UBE2E2: variants seen among roughly 807,000 people sequenced by gnomAD.
UBE2E2 encodes the protein ubiquitin conjugating enzyme E2 E2, also known as ubiquitin-conjugating enzyme E2 E2.
UBE2E2 carries 6 observed loss-of-function variants against 24.7 expected under a neutral mutation model. The ratio of observed to expected loss-of-function variants is 0.24; its 90% CI spans 0.13 to 0.48. The LOEUF (loss-of-function observed/expected upper bound fraction) is 0.48. Ranked by LOEUF, UBE2E2 falls within the 20% of genes least tolerant of loss-of-function variation. UBE2E2 has a pLI of 0.99. For missense variants in UBE2E2, 169 were observed against 245.0 expected (o/e 0.69, Z 2.07); for synonymous variants, 104 against 83.6 (o/e 1.24, Z -1.33).
chr3:23,479,404 C>A (rs920543527), intron 3 of UBE2E2, among the ~76,000 whole-genome samples: 1 of 152,166 alleles, frequency 6.6e-6, no homozygotes, highest in Admixed American at 6.5e-5. Flanking sequence ...CAACCAGAAA[C>A]TTGGAGACCC....
intron 3 of UBE2E2, among the ~76,000 whole-genome samples, chr3:23,346,620 T>A (rs1002295516): frequency 6.6e-6 from 1 of 152,248 alleles, no homozygotes; most frequent in East Asian, 1.9e-4. Flanking sequence ...TGTTCTCTTT[T>A]AAATGCTATC....
At chr3:23,522,883 C>G (rs1204016530) in intron 4 of UBE2E2, among the ~76,000 whole-genome samples, 5 of 151,732 alleles carry the variant, frequency 3.3e-5, no homozygotes, top group Non-Finnish European at 7.4e-5. Flanking sequence ...CATGGGACTT[C>G]TATAGAAAGA....
chr3:23,415,021 G>A (rs1332465190), intron 3 of UBE2E2, among the ~76,000 whole-genome samples: 1 of 152,216 alleles, frequency 6.6e-6, no homozygotes, highest in Non-Finnish European at 1.5e-5. Context: ...GATTTTGTGT[G>A]CAACTCAAGA....
chr3:23,512,135 C>T (rs957333365), intron 4 of UBE2E2, among the ~76,000 whole-genome samples: 11 of 151,662 alleles, frequency 7.3e-5, no homozygotes, highest in Admixed American at 3.9e-4. Flanking sequence ...ATGAAGTGAT[C>T]TTGGTAAGTG....
At chr3:23,350,847 C>CT (rs1695726026) in intron 3 of UBE2E2, among the ~76,000 whole-genome samples, 2 of 152,310 alleles carry the variant, frequency 1.3e-5, no homozygotes, top group Admixed American at 1.3e-4. Flanking sequence ...CCCAATCTAG[C>CT]AAGGCAGACC....
chr3:23,561,426 T>G (rs908842961), intron 5 of UBE2E2, among the ~76,000 whole-genome samples: 2 of 152,156 alleles, frequency 1.3e-5, no homozygotes, highest in Non-Finnish European at 2.9e-5. Context: ...GTTCCATTGG[T>G]CTATATCTCT....
chr3:23,357,108 G>T (rs1000279225), intron 3 of UBE2E2, among the ~76,000 whole-genome samples: 9 of 152,206 alleles, frequency 5.9e-5, no homozygotes, highest in Admixed American at 2.0e-4. Flanking sequence ...TCATTGGCCA[G>T]AATAGTTGCA....
In UBE2E2 at chr3:23,422,053, A is replaced by G. The variant is rs75442087; in HGVS notation, c.228-77555A>G. 2.0e-5 allele frequency among the ~76,000 whole-genome samples: 3 copies of G among 152,226 alleles called. No homozygotes were observed. The East Asian group carries it at 5.8e-4, about 29-fold the overall frequency. On this transcript the variant is annotated intron_variant, in intron 3 of 5. Coordinates refer to ENST00000396703, the MANE Select transcript of UBE2E2 (RefSeq NM_152653.4). ...AGTCACAACATTAATGGGGCTGCCA[A>G]AATATCCTCTAATGAGCTGTTTTGT...
chr3:23,279,808 A>G (rs1350091954), intron 3 of UBE2E2, among the ~76,000 whole-genome samples: 3 of 152,228 alleles, frequency 2.0e-5, no homozygotes, highest in African/African-American at 7.2e-5. Flanking sequence ...AACTGCAGGA[A>G]GAAAACCTTA....
chr3:23,369,097 T>C (rs1249847965), intron 3 of UBE2E2, among the ~76,000 whole-genome samples: 1 of 152,222 alleles, frequency 6.6e-6, no homozygotes, highest in African/African-American at 2.4e-5. Context: ...GAATTTTCAG[T>C]TATTTGAAAG....
chr3:23,473,004 ATTTTC>A (rs1326200015), intron 3 of UBE2E2, among the ~76,000 whole-genome samples: 1 of 151,854 alleles, frequency 6.6e-6, no homozygotes, highest in Non-Finnish European at 1.5e-5. Flanking sequence ...AATATAATCT[ATTTTC>A]TTTGTGATAC....
At chr3:23,404,280 C>G (rs1697303159) in intron 3 of UBE2E2, among the ~76,000 whole-genome samples, 1 of 152,098 alleles carries the variant, frequency 6.6e-6, no homozygotes, top group Admixed American at 6.6e-5. Context: ...TATATGACTG[C>G]AATAAGATTT....
chr3:23,300,875 G>A (rs1188111998), intron 3 of UBE2E2, among the ~76,000 whole-genome samples: 2 of 152,182 alleles, frequency 1.3e-5, no homozygotes, highest in Non-Finnish European at 2.9e-5. Flanking sequence ...ATCCTGTAGA[G>A]TGTTTTCCCA....
intron 3 of UBE2E2, among the ~76,000 whole-genome samples, chr3:23,360,475 G>T (rs979422533): frequency 6.6e-6 from 1 of 152,134 alleles, no homozygotes; most frequent in African/African-American, 2.4e-5. Context: ...ATAGACATAA[G>T]AAAATAATTA....
chr3:23,456,820 G>A (rs767505528), intron 3 of UBE2E2, among the ~76,000 whole-genome samples: 89 of 152,288 alleles, frequency 5.8e-4, no homozygotes, highest in Non-Finnish European at 9.6e-4. Context: ...ATCTGCATTA[G>A]CCCCTAACAA....
intron 5 of UBE2E2, among the ~76,000 whole-genome samples, chr3:23,540,980 A>G (rs1695384831): frequency 6.6e-6 from 1 of 152,256 alleles, no homozygotes; most frequent in African/African-American, 2.4e-5. Flanking sequence ...TGTTTAAACA[A>G]TACATATTTG....
intron 3 of UBE2E2, among the ~76,000 whole-genome samples, chr3:23,249,730 A>G (rs1212511847): frequency 1.3e-5 from 2 of 151,692 alleles, no homozygotes; most frequent in East Asian, 1.9e-4. Context: ...ATCTCGGCTC[A>G]CTGCAAGCTC....
intron 3 of UBE2E2, among the ~76,000 whole-genome samples, chr3:23,285,256 A>T (rs1575531757): frequency 6.6e-6 from 1 of 151,970 alleles, no homozygotes; most frequent in African/African-American, 2.4e-5. Flanking sequence ...GTATGTGTCC[A>T]TTTTCTTTAT....
intron 5 of UBE2E2, among the ~76,000 whole-genome samples, chr3:23,573,821 A>G (rs1696280329): frequency 6.6e-6 from 1 of 152,164 alleles, no homozygotes. Context: ...GTTACTATTC[A>G]TGGAGATTGT....
Sources: allele counts gnomAD v4.1 joint callset (sites outside exome capture counted in the v4.1 genomes callset), GRCh38; gene constraint gnomAD v4.1.1; transcripts MANE v1.5; gene names NCBI Gene and HGNC (gene_info 2026-07-23, HGNC 2026-07-21).